The following KCNT1 variants were observed in gnomAD, a reference collection of about 807,000 sequenced individuals.
KCNT1 encodes potassium channel subfamily T member 1.
A neutral mutation model predicts 147.8 loss-of-function variants in KCNT1; 78 were observed. That is an observed-to-expected ratio of 0.53 (90% confidence interval 0.44 to 0.64). The LOEUF (loss-of-function observed/expected upper bound fraction) is 0.64. Among genes scored for constraint, KCNT1 ranks in the 30% least tolerant of loss-of-function variants. The pLI is 0.00. For synonymous variants in KCNT1, 867 were observed against 748.8 expected, an observed-to-expected ratio of 1.16 and a Z score of -2.58; for missense variants, 1,419 against 1,750.3, an observed-to-expected ratio of 0.81 and a Z score of 3.38.
intron 6 of KCNT1, 23 bp downstream of exon 6, chr9:135,755,192 C>A (rs1345560584): frequency 1.4e-5 from 22 of 1,597,706 alleles, no homozygotes; most frequent in Non-Finnish European, 1.6e-5. Context: ...CCCTGCCCCC[C>A]TCCCGACTGC....
chr9:135,745,090 T>C (rs1208322771), intron 2 of KCNT1, among the ~76,000 whole-genome samples: 1 of 152,226 alleles, frequency 6.6e-6, no homozygotes, highest in East Asian at 1.9e-4. Context: ...ACTCTGGGAA[T>C]GGCGATGTTC....
At chr9:135,772,663 G>A (rs1277868427) in intron 18 of KCNT1, 52 bp from the exon 19 acceptor site, 12 of 1,305,148 alleles carry the variant, frequency 9.2e-6, no homozygotes, top group African/African-American at 4.6e-5. Flanking sequence ...GGAACTCGCC[G>A]CCCATGGAGG....
At chr9:135,779,295 G>GC in intron 23 of KCNT1, 64 bp from the exon 24 acceptor site, 1 of 985,140 alleles carries the variant, frequency 1.0e-6, no homozygotes, top group South Asian at 1.3e-5. Context: ...ATGATCATGG[G>GC]CCCCCACCCT....
rs750939300 is a variant in KCNT1 at position 135,791,763 on chromosome 9, G to A, written c.3503-34G>A. On this transcript the variant is annotated intron_variant, in intron 29 of 30. Transcript: ENST00000371757. Reference sequence around the variant, plus strand: ...GCAGAGCTGGGAGGGGCAGGGCTGGGGGGGTGACGTCTGCCCGGCTGTGTC... The same window carrying A: ...GCAGAGCTGGGAGGGGCAGGGCTGGAGGGGTGACGTCTGCCCGGCTGTGTC... 46 of 1,594,070 alleles carry A rather than the reference G, an allele frequency of 2.9e-5. No homozygotes were observed. The Admixed American group carries it at 7.7e-4, about 27-fold the overall frequency.
chr9:135,752,493 G>T lies in KCNT1; in HGVS notation c.435-1444G>T, dbSNP rs754582028. 1.8e-5 allele frequency: 8 copies of T among 454,322 alleles called. No homozygotes were observed. Among genetic ancestry groups the T allele is most frequent in the Non-Finnish European group, 3.5e-5 (8 of 226,200 alleles). 28.1% of individuals were successfully genotyped at this position (454,322 alleles called of 1,614,324 possible). Reference sequence around the variant, plus strand: ...ACCCCAAGTCCCAGGGTCCCCTGGGGCTTCTGGTTTCACATCCCCACAGGG... The same window carrying T: ...ACCCCAAGTCCCAGGGTCCCCTGGGTCTTCTGGTTTCACATCCCCACAGGG... On this transcript the variant is annotated intron_variant, in intron 4 of 30. Coordinates refer to ENST00000371757, the MANE Select transcript of KCNT1 (RefSeq NM_020822.3). The surrounding 1 kb of genome is among the most constrained non-coding windows in gnomAD (Gnocchi z 5.1).
At chr9:135,739,202 C>G (rs866092403) in intron 2 of KCNT1, among the ~76,000 whole-genome samples, 1 of 152,122 alleles carries the variant, frequency 6.6e-6, no homozygotes, top group Non-Finnish European at 1.5e-5. Context: ...ACTGCGTGTT[C>G]TGCCCCCACA....
intron 17 of KCNT1, among the ~76,000 whole-genome samples, 192 bp downstream of exon 17, chr9:135,770,639 C>G (rs569152343): frequency 6.6e-6 from 1 of 152,216 alleles, no homozygotes; most frequent in South Asian, 2.1e-4. Context: ...AAACCTGCCA[C>G]GCGGCTCCTC....
chr9:135,732,022 A>AGAGAGAGAGAGAGAGAGG (rs1836492861), intron 2 of KCNT1, among the ~76,000 whole-genome samples: 5 of 129,422 alleles, frequency 3.9e-5, no homozygotes, highest in African/African-American at 1.5e-4. Context: ...AGAGAGAGAG[A>AGAGAGAGAGAGAGAGAGG]GAGAGAGAGA....
intron 25 of KCNT1, 133 bp downstream of exon 25, chr9:135,784,258 C>T: frequency 1.3e-6 from 1 of 755,890 alleles, no homozygotes; most frequent in Non-Finnish European, 2.2e-6. Flanking sequence ...CCAAGGAGAC[C>T]TCTGGGCCCT....
chr9:135,751,585 G>C (rs150114243), intron 4 of KCNT1, among the ~76,000 whole-genome samples: 2 of 152,166 alleles, frequency 1.3e-5, no homozygotes, highest in South Asian at 2.1e-4. Context: ...CCGCGATGAG[G>C]GTGGGTGGGA....
chr9:135,758,514 T>C lies in KCNT1; in HGVS notation c.854+6T>C. On this transcript the variant is annotated splice_donor_region_variant and intron_variant, in intron 10 of 30. Transcript: ENST00000371757. ...CTGTGCCTCGTTTTCACGGGGTGAG[T>C]GCCGGCCGTCAGTGTGAGCACCCCA... The C allele has an allele frequency of 6.2e-7, 1 of 1,611,958 alleles. No individual in the cohort carries two copies.
At chr9:135,757,269 G>A in intron 8 of KCNT1, 29 bp from the exon 9 acceptor site, 1 of 1,612,710 alleles carries the variant, frequency 6.2e-7, no homozygotes, top group Non-Finnish European at 8.5e-7. Flanking sequence ...GGGCCCTGGA[G>A]CCCCAGCCCT....
chr9:135,772,873 C>A lies in KCNT1; in HGVS notation c.2167C>A (p.Leu723Met). 1 of 1,557,248 alleles carries A rather than the reference C, an allele frequency of 6.4e-7. No homozygotes were observed. The highest frequency in any genetic ancestry group is 2.4e-5 in the East Asian group (1 of 41,776). ...VLELADSSAL[L>M]PCDLLSDQSE... ...GGAACTGGCCGACAGCTCAGCCCTG[C>A]TGCCCTGCGACCTGCTGAGCGACCA... Residue 723 changes from leucine (L) to methionine (M), a missense_variant, in exon 19 of 31, where the codon CTG (leucine) becomes ATG (methionine). By Grantham distance (15) the Leu-to-Met change is conservative. This residue lies in a region of KCNT1 where 284 missense variants were observed against 292.8 expected (regional missense o/e 0.97). Transcript: ENST00000371757.
At chr9:135,786,573 C>A in intron 29 of KCNT1, 52 bp downstream of exon 29, 1 of 1,481,938 alleles carries the variant, frequency 6.7e-7, no homozygotes. Flanking sequence ...GGGCCAGGGT[C>A]GGGCCACAGC....
At chr9:135,707,503 G>A (rs1048183087) in intron 1 of KCNT1, among the ~76,000 whole-genome samples, 3 of 152,152 alleles carry the variant, frequency 2.0e-5, no homozygotes, top group African/African-American at 4.8e-5. Flanking sequence ...CCGGGGGCAG[G>A]GGCTGTGGGC....
At chr9:135,774,921 A>G (rs1833058044) in intron 19 of KCNT1, among the ~76,000 whole-genome samples, 2 of 152,230 alleles carry the variant, frequency 1.3e-5, no homozygotes, top group African/African-American at 4.8e-5. Context: ...CAGTCCCCCA[A>G]GGCCCTGATG....
rs866953029 is a variant in KCNT1 at position 135,714,547 on chromosome 9, G to A, written c.111-30G>A. 4.6e-6 allele frequency: 5 copies of A among 1,080,222 alleles called. No homozygotes were observed. The highest frequency in any genetic ancestry group is 4.5e-6 in the Non-Finnish European group (4 of 891,090). 66.9% of individuals were successfully genotyped at this position (1,080,222 alleles called of 1,614,324 possible). On this transcript the variant is annotated intron_variant, in intron 1 of 30. Transcript: ENST00000371757. The surrounding 1 kb of genome is among the most constrained non-coding windows in gnomAD (Gnocchi z 6.2). The stretch of plus-strand genomic sequence containing the variant: ...GCGCGTCCGCGAGGGCGCCCGACGC[G>A]GGCTGAGGGGCGCTGGCGTGTGCCC...
chr9:135,702,519 T>G, intron 1 of KCNT1, 151 bp downstream of exon 1: 1 of 666,996 alleles, frequency 1.5e-6, no homozygotes, highest in South Asian at 1.8e-5. Context: ...CCAACCACCT[T>G]GGGGAACAGG....
intron 2 of KCNT1, among the ~76,000 whole-genome samples, chr9:135,737,182 C>G (rs190527713): frequency 1.3e-5 from 2 of 152,218 alleles, no homozygotes; most frequent in South Asian, 2.1e-4. Context: ...TGAGTGAGGC[C>G]GAAGCCTGCA....
Sources: gnomAD v4.1 joint callset for allele counts (sites outside exome capture counted in the v4.1 genomes callset) on GRCh38, gnomAD v4.1.1 for gene constraint, gnomAD v4.1.1 regional missense constraint, Gnocchi (gnomAD v3.1) non-coding constraint, MANE v1.5 for transcripts, NCBI Gene and HGNC (gene_info 2026-07-23, HGNC 2026-07-21) for gene names.